Variants in TTBK1 observed in about 807,000 individuals in gnomAD.
TTBK1 encodes tau tubulin kinase 1.
TTBK1 carries 34 observed loss-of-function variants against 108.5 expected under a neutral mutation model. The observed-to-expected ratio is 0.31, with a 90% CI of 0.24 to 0.42. The LOEUF is 0.42. TTBK1 is among the 10% of genes least tolerant of loss of function. The pLI is 1.00. For missense variants in TTBK1, 1,539 were observed against 1,826.0 expected, an observed-to-expected ratio of 0.84 and a Z score of 2.86; for synonymous variants, 809 against 795.1, an observed-to-expected ratio of 1.02 and a Z score of -0.29.
chr6:43,284,349 G>A (rs747412518), intron 14 of TTBK1, 37 bp downstream of exon 14: 1 of 1,519,816 alleles, frequency 6.6e-7, no homozygotes, highest in East Asian at 2.3e-5. Flanking sequence ...TGGGCAGAGG[G>A]TGGCCACAGG....
At position 43,273,346 on chromosome 6, in the gene TTBK1, C is replaced by T. The variant is rs1777884657; in HGVS notation, c.1987-9381C>T. Among the ~76,000 whole-genome samples the T allele has an allele frequency of 6.6e-6, 1 of 152,176 alleles. No individual in the cohort carries two copies. On this transcript the variant is annotated intron_variant, in intron 13 of 14. Transcript: ENST00000259750. The surrounding 1 kb of genome is among the most constrained non-coding windows in gnomAD (Gnocchi z 4.2). ...CCTTCCTTTCCCATTCCCACCTTGC[C>T]ATGGGGTGGCATCCAGATGGGAGTC... is the stretch of plus-strand genomic sequence containing the variant.
At chr6:43,261,340 T>C (rs1426204604) in intron 12 of TTBK1, among the ~76,000 whole-genome samples, 1 of 151,900 alleles carries the variant, frequency 6.6e-6, no homozygotes, top group Non-Finnish European at 1.5e-5. Context: ...AAACCCCAGA[T>C]AGGTTAGGCC....
At chr6:43,272,740 A>C (rs1026866392) in intron 13 of TTBK1, 1 of 942,148 alleles carries the variant, frequency 1.1e-6, no homozygotes, top group African/African-American at 1.8e-5. Flanking sequence ...AGAGCTTCAC[A>C]TGGTTTGGGT....
Position 43,246,637 on chromosome 6 carries a change from G to C in TTBK1, c.-24G>C. On this transcript the variant is annotated 5_prime_UTR_variant, in exon 2 of 15. Coordinates refer to ENST00000259750, the MANE Select transcript of TTBK1 (RefSeq NM_032538.3). The stretch of plus-strand genomic sequence containing the variant: ...TGGCCCCCTCAGGGCAGGCCCGGCG[G>C]ACACCCCTCCCTCTGGCTGGCGGAT... The C allele has an allele frequency of 6.3e-7, 1 of 1,577,010 alleles. No homozygotes were observed. Among genetic ancestry groups the C allele is most frequent in the Non-Finnish European group, 8.6e-7 (1 of 1,158,468 alleles).
rs987448358 is a variant in TTBK1 at position 43,286,902 on chromosome 6, G to C, written c.*1526G>C. ...TCTCTGTCCTTCCCTGAGTCACAGAGAGCAAGCCAAGACATCCAGGGAAAG... is the reference window on the plus strand; with the variant it reads ...TCTCTGTCCTTCCCTGAGTCACAGACAGCAAGCCAAGACATCCAGGGAAAG... On this transcript the variant is annotated 3_prime_UTR_variant, in exon 15 of 15. Transcript: ENST00000259750. This position sits in a 1 kb window ranked among gnomAD's most constrained non-coding sequence, Gnocchi z 4.6. 6 of 152,558 alleles carry C rather than the reference G, an allele frequency of 3.9e-5. No individual in the cohort carries two copies. The highest frequency in any genetic ancestry group is 1.4e-4 in the African/African-American group (6 of 41,590). The allele number at this position is 152,558 out of a possible 1,614,324, so 9.5% of individuals were successfully genotyped here. A position where few individuals can be genotyped will look rare whatever the true frequency, so the allele number is the denominator to read the frequency against.
intron 13 of TTBK1, among the ~76,000 whole-genome samples, chr6:43,264,041 C>T (rs562616527): frequency 3.8e-4 from 58 of 152,172 alleles, no homozygotes; most frequent in South Asian, 1.5e-3. Context: ...TCTCGTGTCT[C>T]GGCTGATGCC....
rs1778181941 is a variant in TTBK1, at chr6:43,282,160, A to C, written c.1987-567A>C. Reference sequence around the variant, plus strand: ...CGCCTTTGCCCTTGTCCAGCACAGGATCTGGTGGCCCTGGGCAGCCAGCTC... The same window carrying C: ...CGCCTTTGCCCTTGTCCAGCACAGGCTCTGGTGGCCCTGGGCAGCCAGCTC... On this transcript the variant is annotated intron_variant, in intron 13 of 14. Coordinates refer to ENST00000259750, the MANE Select transcript of TTBK1 (RefSeq NM_032538.3). The surrounding 1 kb of genome is among the most constrained non-coding windows in gnomAD (Gnocchi z 5.4). Among the ~76,000 whole-genome samples the C allele has an allele frequency of 6.6e-6, 1 of 152,148 alleles. No individual in the cohort carries two copies. The highest frequency in any genetic ancestry group is 2.1e-4 in the South Asian group (1 of 4,834).
chr6:43,246,501 T>C lies in TTBK1; in HGVS notation c.-54-106T>C, dbSNP rs759442275. 5.2e-5 allele frequency: 29 copies of C among 559,302 alleles called. No homozygotes were observed. In the South Asian group the frequency reaches 5.9e-4, roughly 11 times the overall value. 34.6% of individuals were successfully genotyped at this position (559,302 alleles called of 1,614,324 possible). On this transcript the variant is annotated intron_variant, in intron 1 of 14. Transcript: ENST00000259750. ...GGTAACTCCTGGAGCATCTGTCCAG[T>C]GGGGCCAGGAAGAATGCAGAGCAGG...
At chr6:43,277,895 A>G (rs1778051510) in intron 13 of TTBK1, among the ~76,000 whole-genome samples, 1 of 152,188 alleles carries the variant, frequency 6.6e-6, no homozygotes, top group African/African-American at 2.4e-5. Context: ...GGTGGGAGGC[A>G]TGCACGAGGC....
At chr6:43,275,200 G>A (rs1777936659) in intron 13 of TTBK1, among the ~76,000 whole-genome samples, 1 of 152,246 alleles carries the variant, frequency 6.6e-6, no homozygotes, top group African/African-American at 2.4e-5. Context: ...CCAAGCCAGG[G>A]GTCCCGTCCA....
intron 2 of TTBK1, chr6:43,247,936 G>T (rs889668551): frequency 6.6e-6 from 1 of 152,100 alleles, no homozygotes; most frequent in Non-Finnish European, 1.5e-5. Flanking sequence ...TCCCAGAGGG[G>T]GACTTCCTGA....
At chr6:43,274,380 G>A (rs1777909793) in intron 13 of TTBK1, among the ~76,000 whole-genome samples, 1 of 152,174 alleles carries the variant, frequency 6.6e-6, no homozygotes, top group Admixed American at 6.5e-5. Flanking sequence ...TTTTTCTGGG[G>A]AGGGGTGGTG....
At position 43,255,113 on chromosome 6, in the gene TTBK1, G is replaced by A. The variant is rs771750279; in HGVS notation, c.641G>A (p.Arg214Gln). ...GCCTCAGTCAATGCCCACAAGAACCGGGTGAGTGGCAAAGCCCGGGATGCA... is the reference window on the plus strand; with the variant it reads ...GCCTCAGTCAATGCCCACAAGAACCAGGTGAGTGGCAAAGCCCGGGATGCA... The part of the protein sequence containing the change: ...RYASVNAHKN[R>Q]EMGRHDDLWS... Residue 214 changes from arginine to glutamine, a missense_variant and splice_region_variant, in exon 7 of 15, where the codon CGG becomes CAG. Physicochemically the swap from Arg to Gln is conservative, Grantham distance 43 (BLOSUM62 1). Around this residue, in one of 5 missense-constraint regions of TTBK1, gnomAD observed 155 missense variants for 348.5 expected, o/e 0.44. Coordinates refer to ENST00000259750, the MANE Select transcript of TTBK1 (RefSeq NM_032538.3). 20 of 1,613,362 alleles carry A rather than the reference G, an allele frequency of 1.2e-5. No homozygotes were observed. Among genetic ancestry groups the A allele is most frequent in the East Asian group, 2.2e-5 (1 of 44,848 alleles).
intron 12 of TTBK1, 43 bp from the exon 13 acceptor site, chr6:43,262,746 C>A: frequency 6.8e-7 from 1 of 1,480,762 alleles, no homozygotes. Flanking sequence ...CTTGGGGGTC[C>A]AGTGGGGCCA....
rs1218218345 is a variant in TTBK1, at chr6:43,283,858, A to G, written c.3118A>G (p.Ile1040Val). Residue 1040 changes from isoleucine to valine, a missense_variant, in exon 14 of 15, where the codon ATC (isoleucine) becomes GTC (valine). By Grantham distance (29) the Ile-to-Val change is conservative. Coordinates refer to ENST00000259750, the MANE Select transcript of TTBK1 (RefSeq NM_032538.3). This position sits in a 1 kb window ranked among gnomAD's most constrained non-coding sequence, Gnocchi z 8.1. ...LEPSPEKVAT[I>V]SPRRHAMPGS... is the part of the protein sequence containing the mutation. ...GCCAAGCCCTGAGAAAGTGGCCACC[A>G]TCTCCCCCAGACGCCATGCTATGCC... 6.2e-7 allele frequency: 1 copy of G among 1,609,964 alleles called. No individual in the cohort carries two copies. Among genetic ancestry groups the G allele is most frequent in the Non-Finnish European group, 8.5e-7 (1 of 1,177,582 alleles).
At position 43,285,606 on chromosome 6, in the gene TTBK1, T is replaced by G; in HGVS notation, c.*230T>G. 2.4e-5 allele frequency: 9 copies of G among 379,182 alleles called. No individual in the cohort carries two copies. The highest frequency in any genetic ancestry group is 3.0e-5 in the Non-Finnish European group (7 of 229,700). The allele number at this position is 379,182 out of a possible 1,614,324, so 23.5% of individuals were successfully genotyped here. A position where few individuals can be genotyped will look rare whatever the true frequency, so the allele number is the denominator to read the frequency against. On this transcript the variant is annotated 3_prime_UTR_variant, in exon 15 of 15. Coordinates refer to ENST00000259750, the MANE Select transcript of TTBK1 (RefSeq NM_032538.3). This position sits in a 1 kb window ranked among gnomAD's most constrained non-coding sequence, Gnocchi z 4.7. ...CGCCGCGGGGAGGGTCTGCCTCCCC[T>G]TCCTCGCCCTGTGTCCTCTCATCCT...
intron 13 of TTBK1, chr6:43,271,060 C>A (rs1777821532): frequency 1.0e-6 from 1 of 985,496 alleles, no homozygotes. Context: ...TTTCTCAGCC[C>A]CCAACCTTCA....
Position 43,265,744 on chromosome 6 carries a change from T to C in TTBK1, c.1986+2394T>C, listed in dbSNP as rs916365486. The stretch of plus-strand genomic sequence containing the variant: ...TAGGAAGTGCAGAGTCTAGGGAGGG[T>C]GACAGACAGTGTCAAGAGAGAGCCG... On this transcript the variant is annotated intron_variant, in intron 13 of 14. Coordinates refer to ENST00000259750, the MANE Select transcript of TTBK1 (RefSeq NM_032538.3). The surrounding 1 kb of genome is among the most constrained non-coding windows in gnomAD (Gnocchi z 4.1). Among the ~76,000 whole-genome samples the C allele has an allele frequency of 2.0e-5, 3 of 151,834 alleles. No homozygotes were observed. Among genetic ancestry groups the C allele is most frequent in the Admixed American group, 2.0e-4 (3 of 15,232 alleles).
At chr6:43,262,687 G>A (rs1777572859) in intron 12 of TTBK1, 102 bp from the exon 13 acceptor site, 3 of 1,222,662 alleles carry the variant, frequency 2.5e-6, no homozygotes, top group South Asian at 3.2e-5. Flanking sequence ...GGGTACTGCG[G>A]TCAGGAGGTT....
Sources: allele counts gnomAD v4.1 joint callset (sites outside exome capture counted in the v4.1 genomes callset), GRCh38; gene constraint gnomAD v4.1.1; regional missense constraint gnomAD v4.1.1; non-coding constraint Gnocchi (gnomAD v3.1); transcripts MANE v1.5; gene names NCBI Gene and HGNC (gene_info 2026-07-23, HGNC 2026-07-21).